The following KDM4C variants were observed in gnomAD, a reference collection of about 807,000 sequenced individuals.
KDM4C encodes the protein lysine-specific demethylase 4C.
A neutral mutation model predicts 129.3 loss-of-function variants in KDM4C; 81 were observed. That is an observed-to-expected ratio of 0.63 (90% CI 0.52 to 0.75). KDM4C has a LOEUF of 0.75. Among genes scored for constraint, KDM4C ranks in the 30% least tolerant of loss-of-function variants. KDM4C has a pLI of 0.00. For missense variants in KDM4C, 1,457 were observed against 1,304.0 expected, an observed-to-expected ratio of 1.12 and a Z score of -1.81; for synonymous variants, 573 against 456.1, an observed-to-expected ratio of 1.26 and a Z score of -3.26.
intron 8 of KDM4C, among the ~76,000 whole-genome samples, chr9:6,924,511 A>G (rs891508628): frequency 3.3e-5 from 5 of 151,794 alleles, no homozygotes; most frequent in Non-Finnish European, 7.4e-5. Flanking sequence ...GGGGAATTAC[A>G]CTCTTCTCTA....
intron 11 of KDM4C, among the ~76,000 whole-genome samples, chr9:6,987,121 A>C (rs183048408): frequency 1.5e-4 from 23 of 152,288 alleles, no homozygotes. Context: ...TCTGCTGGGC[A>C]CTGATCACTT....
chr9:6,877,088 G>A (rs1422057715), intron 5 of KDM4C, among the ~76,000 whole-genome samples: 2 of 152,312 alleles, frequency 1.3e-5, no homozygotes, highest in Non-Finnish European at 2.9e-5. Flanking sequence ...CCTGAGGGAT[G>A]TATGTTTCTG....
chr9:6,753,161 G>A (rs1284880041), upstream of KDM4C, among the ~76,000 whole-genome samples: 1 of 152,232 alleles, frequency 6.6e-6, no homozygotes, highest in African/African-American at 2.4e-5. Context: ...GAATGGCCAT[G>A]ATAAGCTCAC....
At chr9:6,852,001 C>G (rs1016281283) in intron 5 of KDM4C, among the ~76,000 whole-genome samples, 3 of 152,126 alleles carry the variant, frequency 2.0e-5, no homozygotes, top group Admixed American at 1.3e-4. Flanking sequence ...TATCCTTAAC[C>G]TTGGCCATTG....
At chr9:7,061,446 C>T (rs983700815) in intron 17 of KDM4C, among the ~76,000 whole-genome samples, 4 of 152,182 alleles carry the variant, frequency 2.6e-5, no homozygotes, top group African/African-American at 9.6e-5. Flanking sequence ...TCCTTGGTTG[C>T]TTGCCCATTT....
In KDM4C at chr9:6,986,214, TGCATGTATGTGCATGC is replaced by T; in HGVS notation, c.1355-124_1355-109del. 4 of 631,282 alleles carry T rather than the reference TGCATGTATGTGCATGC, an allele frequency of 6.3e-6. No individual in the cohort carries two copies. The South Asian group carries it at 8.0e-5, about 13-fold the overall frequency. 39.1% of individuals were successfully genotyped at this position (631,282 alleles called of 1,614,324 possible). A position where few individuals can be genotyped will look rare whatever the true frequency, so the allele number is the denominator to read the frequency against. ...ACAAATGAGGTTTGTTTTGTGTGTG[TGCATGTATGTGCATGC>T]GCATGCGTGTGTATGTGTGTGTAAG... On this transcript the variant is annotated intron_variant, in intron 10 of 21. Coordinates refer to ENST00000381309, the MANE Select transcript of KDM4C (RefSeq NM_015061.6).
intron 8 of KDM4C, among the ~76,000 whole-genome samples, chr9:6,943,674 CAA>C (rs33979464): frequency 8.7e-5 from 11 of 125,938 alleles, no homozygotes; most frequent in African/African-American, 1.4e-4. Flanking sequence ...AATCTTGTCT[CAA>C]AAAAAAAAAA....
chr9:7,140,239 G>C lies in KDM4C; in HGVS notation c.2781+12003G>C, dbSNP rs115319238. ...CCCTACACTCCTGGTGTATGTGGCAGGGGCTGAGGAGGCCTCTTCCGCCCT... is the reference window on the plus strand; with the variant it reads ...CCCTACACTCCTGGTGTATGTGGCACGGGCTGAGGAGGCCTCTTCCGCCCT... On this transcript the variant is annotated intron_variant, in intron 19 of 21. Transcript: ENST00000381309. Among the ~76,000 whole-genome samples, 1,079 of 152,322 alleles carry C rather than the reference G, an allele frequency of 7.1e-3. 16 individuals carry two copies. The highest frequency in any genetic ancestry group is 0.025 in the African/African-American group (1,032 of 41,572).
intron 13 of KDM4C, 122 bp from the exon 14 acceptor site, chr9:7,013,666 A>G: frequency 1.4e-5 from 12 of 876,894 alleles, no homozygotes; most frequent in Non-Finnish European, 1.7e-5. Flanking sequence ...GGTCAAGGAG[A>G]ACAACAGGAA....
intron 6 of KDM4C, among the ~76,000 whole-genome samples, chr9:6,886,630 C>A (rs946959286): frequency 6.6e-6 from 1 of 151,634 alleles, no homozygotes; most frequent in African/African-American, 2.4e-5. Flanking sequence ...TAGCTGGGAC[C>A]ACAGGTGTGC....
intron 15 of KDM4C, among the ~76,000 whole-genome samples, chr9:7,024,610 T>A (rs1331044099): frequency 6.6e-6 from 1 of 152,106 alleles, no homozygotes; most frequent in Non-Finnish European, 1.5e-5. Flanking sequence ...TGCAATACTT[T>A]GCTGAGAATG....
intron 17 of KDM4C, among the ~76,000 whole-genome samples, chr9:7,059,484 G>A (rs999176094): frequency 6.6e-6 from 1 of 152,204 alleles, no homozygotes; most frequent in East Asian, 1.9e-4. Context: ...ATGCCTGATA[G>A]ACTAGTGGAT....
upstream of KDM4C, among the ~76,000 whole-genome samples, chr9:6,757,192 T>G (rs993040151): frequency 2.0e-5 from 3 of 152,188 alleles, no homozygotes; most frequent in Admixed American, 6.5e-5. Context: ...TTAACTTATC[T>G]AGTCTCAGAC....
chr9:6,959,693 G>A lies in KDM4C; in HGVS notation c.922-21232G>A, dbSNP rs183013455. Among the ~76,000 whole-genome samples, 686 of 152,190 alleles carry A rather than the reference G, an allele frequency of 4.5e-3. 5 individuals carry two copies. Among genetic ancestry groups the A allele is most frequent in the Non-Finnish European group, 8.0e-3 (545 of 67,998 alleles). ...ATGTGAATTGTAGTATATAGTCATG[G>A]CATGTTAATTCTGTGAAATTGTAGT... On this transcript the variant is annotated intron_variant, in intron 8 of 21. Coordinates refer to ENST00000381309, the MANE Select transcript of KDM4C (RefSeq NM_015061.6).
At chr9:6,747,831 C>T (rs554443135) in intron 1 of KDM4C, among the ~76,000 whole-genome samples, 8 of 152,196 alleles carry the variant, frequency 5.3e-5, no homozygotes, top group Non-Finnish European at 1.2e-4. Context: ...AATGCCGTCC[C>T]TATCACTGCC....
intron 3 of KDM4C, among the ~76,000 whole-genome samples, chr9:6,807,597 G>A (rs1458590117): frequency 6.7e-6 from 1 of 150,240 alleles, no homozygotes; most frequent in Non-Finnish European, 1.5e-5. Context: ...GGTGAGGAGC[G>A]TTTCTGCCCA....
chr9:7,028,660 C>G (rs1013517750), intron 15 of KDM4C, among the ~76,000 whole-genome samples: 1 of 152,084 alleles, frequency 6.6e-6, no homozygotes. Flanking sequence ...CTAGGAGTTG[C>G]AGTTCTTGTG....
At chr9:6,848,857 T>TG (rs1340919106) in intron 4 of KDM4C, among the ~76,000 whole-genome samples, 2 of 152,224 alleles carry the variant, frequency 1.3e-5, no homozygotes, top group Non-Finnish European at 2.9e-5. Context: ...ATAGGCATTA[T>TG]GTGTTTAAAT....
At chr9:7,151,535 C>T (rs1842730610) in intron 19 of KDM4C, among the ~76,000 whole-genome samples, 1 of 152,240 alleles carries the variant, frequency 6.6e-6, no homozygotes, top group African/African-American at 2.4e-5. Context: ...ATTAGCCAAG[C>T]ATGGTGGCAC....
Sources: allele counts gnomAD v4.1 joint callset (sites outside exome capture counted in the v4.1 genomes callset), GRCh38; gene constraint gnomAD v4.1.1; transcripts MANE v1.5; gene names NCBI Gene and HGNC (gene_info 2026-07-23, HGNC 2026-07-21).